KCNH8: variants seen among roughly 807,000 people sequenced by gnomAD.
KCNH8 encodes the protein potassium voltage-gated channel subfamily H member 8.
In KCNH8, 70 loss-of-function variants were observed where a neutral mutation model predicts 103.6. The observed-to-expected ratio is 0.68, with a 90% confidence interval of 0.56 to 0.82. The LOEUF (loss-of-function observed/expected upper bound fraction) is 0.82. Ranked by LOEUF, KCNH8 falls within the 40% of genes least tolerant of loss-of-function variation. The pLI, the probability that KCNH8 is intolerant of heterozygous loss-of-function variation, is 0.00. For synonymous variants in KCNH8, 498 were observed against 489.4 expected, an observed-to-expected ratio of 1.02 and a Z score of -0.23; for missense variants, 1,217 against 1,329.9, an observed-to-expected ratio of 0.92 and a Z score of 1.32.
chr3:19,345,235 A>G (rs531381802), intron 4 of KCNH8, among the ~76,000 whole-genome samples: 29 of 152,178 alleles, frequency 1.9e-4, no homozygotes, highest in African/African-American at 6.0e-4. Context: ...AGCCTTGAAA[A>G]CTTGAAAGGA....
intron 1 of KCNH8, among the ~76,000 whole-genome samples, chr3:19,245,168 T>C (rs931812682): frequency 1.3e-5 from 2 of 152,208 alleles, no homozygotes; most frequent in Non-Finnish European, 2.9e-5. Flanking sequence ...TTCTTTCTTC[T>C]GCATATGGCT....
In KCNH8 at chr3:19,495,714, ATT is replaced by A. The variant is rs531725941; in HGVS notation, c.2041-14637_2041-14636del. On this transcript the variant is annotated intron_variant, in intron 11 of 15. Transcript: ENST00000328405. ...CTTTTTTAGTTTTGTACAAATTTAA[ATT>A]TTTTTTTTTTTAAATTGCATGAAGA... Among the ~76,000 whole-genome samples, 508 of 147,986 alleles carry A rather than the reference ATT, an allele frequency of 3.4e-3. 3 individuals are homozygous for A. The highest frequency in any genetic ancestry group is 0.012 in the African/African-American group (479 of 40,548).
intron 7 of KCNH8, among the ~76,000 whole-genome samples, chr3:19,411,151 A>G (rs2066772309): frequency 6.6e-6 from 1 of 152,156 alleles, no homozygotes; most frequent in Admixed American, 6.5e-5. Flanking sequence ...ACAGCACATC[A>G]AAAAGTTAAT....
At chr3:19,176,727 A>G (rs1408027297) in intron 1 of KCNH8, among the ~76,000 whole-genome samples, 1 of 152,084 alleles carries the variant, frequency 6.6e-6, no homozygotes, top group African/African-American at 2.4e-5. Context: ...AGAATATTCT[A>G]TTCCATTTAT....
At chr3:19,315,054 G>A (rs2065255610) in intron 3 of KCNH8, 1 of 151,992 alleles carries the variant, frequency 6.6e-6, no homozygotes, top group African/African-American at 2.4e-5. Flanking sequence ...TTAGGATTCT[G>A]ATCAATTGGA....
intron 5 of KCNH8, among the ~76,000 whole-genome samples, chr3:19,362,672 T>G (rs927278638): frequency 6.6e-6 from 1 of 151,788 alleles, no homozygotes; most frequent in African/African-American, 2.4e-5. Context: ...TGTTTGTTGT[T>G]TGTTTGTTTG....
At chr3:19,530,245 T>G (rs1276438438) in intron 15 of KCNH8, among the ~76,000 whole-genome samples, 4 of 152,168 alleles carry the variant, frequency 2.6e-5, no homozygotes, top group Non-Finnish European at 5.9e-5. Flanking sequence ...GACAGCATAG[T>G]AAGGTGATAT....
chr3:19,228,672 G>T (rs2125236621), intron 1 of KCNH8, among the ~76,000 whole-genome samples: 1 of 152,252 alleles, frequency 6.6e-6, no homozygotes, highest in Non-Finnish European at 1.5e-5. Flanking sequence ...ATGTTTATTT[G>T]TGTGTTACGT....
At chr3:19,484,925 G>T (rs867967572) in intron 11 of KCNH8, among the ~76,000 whole-genome samples, 1 of 151,962 alleles carries the variant, frequency 6.6e-6, no homozygotes, top group Non-Finnish European at 1.5e-5. Flanking sequence ...TTTCATAAGG[G>T]GAGTATTCTG....
At chr3:19,190,082 G>C (rs528068295) in intron 1 of KCNH8, among the ~76,000 whole-genome samples, 1 of 151,848 alleles carries the variant, frequency 6.6e-6, no homozygotes, top group African/African-American at 2.4e-5. Context: ...GCTGAGGGGG[G>C]AATACTTAAG....
rs1027941639 is a variant in KCNH8, at chr3:19,534,914, T to C, written c.*815T>C. 6.6e-6 allele frequency: 1 copy of C among 152,206 alleles called. No individual in the cohort carries two copies. Among genetic ancestry groups the C allele is most frequent in the Non-Finnish European group, 1.5e-5 (1 of 68,038 alleles). 9.4% of individuals were successfully genotyped at this position (152,206 alleles called of 1,614,324 possible). ...TGCAACAAATGTATTCTCATGCTTC[T>C]GGATTATAAAAGAAAAGTGAAGTCA... On this transcript the variant is annotated 3_prime_UTR_variant, in exon 16 of 16. Transcript: ENST00000328405.
chr3:19,175,742 A>C (rs1196596827), intron 1 of KCNH8, among the ~76,000 whole-genome samples: 1 of 152,210 alleles, frequency 6.6e-6, no homozygotes, highest in Non-Finnish European at 1.5e-5. Flanking sequence ...ACAGCTTCTA[A>C]AATGAAAATT....
chr3:19,242,652 T>C (rs915851772), intron 1 of KCNH8, among the ~76,000 whole-genome samples: 4 of 152,162 alleles, frequency 2.6e-5, no homozygotes, highest in Non-Finnish European at 5.9e-5. Context: ...GAATATAATC[T>C]GAACCCCCTT....
chr3:19,511,241 GTGT>G (rs1226107958), intron 12 of KCNH8, among the ~76,000 whole-genome samples: 1 of 151,776 alleles, frequency 6.6e-6, no homozygotes, highest in African/African-American at 2.4e-5. Flanking sequence ...AGAACATGTG[GTGT>G]TTGGTTTTCT....
chr3:19,373,786 C>T (rs2066143404), intron 5 of KCNH8, among the ~76,000 whole-genome samples: 1 of 151,718 alleles, frequency 6.6e-6, no homozygotes, highest in South Asian at 2.1e-4. Context: ...TTGAATGCGT[C>T]CCAGAGATTC....
chr3:19,223,056 A>T (rs2063893204), intron 1 of KCNH8, among the ~76,000 whole-genome samples: 2 of 152,262 alleles, frequency 1.3e-5, no homozygotes, highest in Admixed American at 6.5e-5. Flanking sequence ...TCCATAATAG[A>T]GTAGAAGAGT....
In KCNH8 at chr3:19,148,606, C is replaced by T; in HGVS notation, c.-114C>T. On this transcript the variant is annotated 5_prime_UTR_variant, in exon 1 of 16. Transcript: ENST00000328405. ...TCCCCTGCTCGGCCCCGCCGTCAGG[C>T]CGGGTCCCCCTTCCCTGCCGTCATC... 1.0e-6 allele frequency: 1 copy of T among 999,842 alleles called. No individual in the cohort carries two copies. The highest frequency in any genetic ancestry group is 1.3e-5 in the South Asian group (1 of 77,230). 61.9% of individuals were successfully genotyped at this position (999,842 alleles called of 1,614,324 possible).
intron 1 of KCNH8, among the ~76,000 whole-genome samples, chr3:19,248,501 T>G (rs1174326892): frequency 6.6e-6 from 1 of 152,158 alleles, no homozygotes; most frequent in Admixed American, 6.5e-5. Context: ...GAGAGAAAAA[T>G]CCATGTCTTT....
At chr3:19,374,571 G>T (rs2066160287) in intron 5 of KCNH8, among the ~76,000 whole-genome samples, 1 of 152,090 alleles carries the variant, frequency 6.6e-6, no homozygotes, top group Non-Finnish European at 1.5e-5. Flanking sequence ...TTGCCAGTCT[G>T]TGTCTTTTAA....
Sources: allele counts gnomAD v4.1 joint callset (sites outside exome capture counted in the v4.1 genomes callset), GRCh38; gene constraint gnomAD v4.1.1; transcripts MANE v1.5; gene names NCBI Gene and HGNC (gene_info 2026-07-23, HGNC 2026-07-21).